The following PTDSS1 variants were observed in gnomAD, a reference collection of about 807,000 sequenced individuals.
The protein encoded by PTDSS1 is phosphatidylserine synthase 1.
Under a neutral mutation model 70.5 loss-of-function variants are expected in PTDSS1, and 45 were observed. The ratio of observed to expected loss-of-function variants is 0.64; its 90% CI spans 0.50 to 0.82. The LOEUF (loss-of-function observed/expected upper bound fraction) is 0.82. Among genes scored for constraint, PTDSS1 ranks in the 40% least tolerant of loss-of-function variants. The pLI, the probability that PTDSS1 is intolerant of heterozygous loss-of-function variation, is 0.00. For missense variants in PTDSS1, 417 were observed against 586.1 expected (o/e 0.71, Z 2.98); for synonymous variants, 188 against 203.8 (o/e 0.92, Z 0.66).
At chr8:96,322,652 G>A (rs1586209216) in intron 10 of PTDSS1, among the ~76,000 whole-genome samples, 1 of 152,094 alleles carries the variant, frequency 6.6e-6, no homozygotes, top group Non-Finnish European at 1.5e-5. Flanking sequence ...GGACATTCAA[G>A]CCATAGCATT....
chr8:96,333,748 G>T lies in PTDSS1; in HGVS notation c.*182G>T, dbSNP rs924022161. On this transcript the variant is annotated 3_prime_UTR_variant, in exon 13 of 13. Coordinates refer to ENST00000517309, the MANE Select transcript of PTDSS1 (RefSeq NM_014754.3). ...CCCACAGACCTGGCCGCGTCAGGCAGATCATCGCCTGGGGGGCCTTTGCCA... is the reference window on the plus strand; with the variant it reads ...CCCACAGACCTGGCCGCGTCAGGCATATCATCGCCTGGGGGGCCTTTGCCA... 2 of 726,454 alleles carry T rather than the reference G, an allele frequency of 2.8e-6. No individual in the cohort carries two copies. The allele number at this position is 726,454 out of a possible 1,614,324, so 45.0% of individuals were successfully genotyped here.
intron 1 of PTDSS1, among the ~76,000 whole-genome samples, chr8:96,265,667 G>A (rs533608233): frequency 2.5e-4 from 38 of 152,244 alleles, no homozygotes; most frequent in African/African-American, 6.7e-4. Flanking sequence ...GAAGTAAGAC[G>A]ATCACCTGAG....
intron 6 of PTDSS1, among the ~76,000 whole-genome samples, chr8:96,301,144 T>C (rs1811044430): frequency 6.6e-6 from 1 of 152,244 alleles, no homozygotes; most frequent in South Asian, 2.1e-4. Flanking sequence ...TTGTTTGTTT[T>C]ATTGAGATGG....
chr8:96,294,037 T>C (rs1177446467), intron 4 of PTDSS1, among the ~76,000 whole-genome samples: 3 of 152,224 alleles, frequency 2.0e-5, no homozygotes, highest in African/African-American at 4.8e-5. Flanking sequence ...CTTACCCTAT[T>C]GAATTTTATC....
rs7001397 is a variant in PTDSS1, at chr8:96,330,354, C to T, written c.1242+73C>T. ...GGGCTCGGCAAATTCGCTCAGAGCA[C>T]GTGCCTGTAAGGATATGGCGAGGTA... On this transcript the variant is annotated intron_variant, in intron 11 of 12. Coordinates refer to ENST00000517309, the MANE Select transcript of PTDSS1 (RefSeq NM_014754.3). The T allele has an allele frequency of 0.45, 637,548 of 1,429,560 alleles. 146,256 individuals carry two copies. Among genetic ancestry groups the T allele is most frequent in the African/African-American group, 0.5 (35,480 of 70,972 alleles). The allele number at this position is 1,429,560 out of a possible 1,614,324, so 88.6% of individuals were successfully genotyped here.
At chr8:96,322,662 T>C (rs1811388145) in intron 10 of PTDSS1, among the ~76,000 whole-genome samples, 1 of 152,136 alleles carries the variant, frequency 6.6e-6, no homozygotes, top group Non-Finnish European at 1.5e-5. Context: ...GCCATAGCAT[T>C]CCACCCCTGA....
chr8:96,323,776 T>A (rs1424739944), intron 10 of PTDSS1, among the ~76,000 whole-genome samples: 1 of 152,262 alleles, frequency 6.6e-6, no homozygotes, highest in Non-Finnish European at 1.5e-5. Flanking sequence ...TTTCTTTCTT[T>A]CCATGGTAAT....
chr8:96,320,411 G>A, intron 10 of PTDSS1, 66 bp downstream of exon 10: 1 of 1,344,568 alleles, frequency 7.4e-7, no homozygotes, highest in Non-Finnish European at 1.1e-6. Context: ...AAACGGAGGG[G>A]GGCAAAGAAA....
In PTDSS1 at chr8:96,333,760, G is replaced by C. The variant is rs1242975307; in HGVS notation, c.*194G>C. On this transcript the variant is annotated 3_prime_UTR_variant, in exon 13 of 13. Transcript: ENST00000517309. Reference sequence around the variant, plus strand: ...GCCGCGTCAGGCAGATCATCGCCTGGGGGGCCTTTGCCAACGTGGGGTCTC... The same window carrying C: ...GCCGCGTCAGGCAGATCATCGCCTGCGGGGCCTTTGCCAACGTGGGGTCTC... The C allele has an allele frequency of 1.4e-6, 1 of 713,828 alleles. No homozygotes were observed. The highest frequency in any genetic ancestry group is 2.5e-6 in the Non-Finnish European group (1 of 395,282). The allele number at this position is 713,828 out of a possible 1,614,324, so 44.2% of individuals were successfully genotyped here. A position where few individuals can be genotyped will look rare whatever the true frequency, so the allele number is the denominator to read the frequency against.
At position 96,287,395 on chromosome 8, in the gene PTDSS1, G is replaced by A. The variant is rs1810839790; in HGVS notation, c.441+249G>A. The stretch of plus-strand genomic sequence containing the variant: ...GCACACTTTATCGTCAGACAGCCTT[G>A]GGTGTGAATTCTGCCTCTGTTACTT... On this transcript the variant is annotated intron_variant, in intron 4 of 12. Coordinates refer to ENST00000517309, the MANE Select transcript of PTDSS1 (RefSeq NM_014754.3). 8.8e-6 allele frequency: 4 copies of A among 453,976 alleles called. No homozygotes were observed. In the South Asian group the frequency reaches 1.2e-4, roughly 14 times the overall value. The allele number at this position is 453,976 out of a possible 1,614,324, so 28.1% of individuals were successfully genotyped here.
chr8:96,288,618 G>T (rs570062611), intron 4 of PTDSS1, among the ~76,000 whole-genome samples: 79 of 133,438 alleles, frequency 5.9e-4, no homozygotes, highest in African/African-American at 2.2e-3. Context: ...GAGCCACCAC[G>T]CTTGGCCTTT....
At position 96,333,455 on chromosome 8, in the gene PTDSS1, A is replaced by G. The variant is rs1387328647; in HGVS notation, c.1313-2A>G. ...ACGGTGTGCTCTGATTCCTTTGGCC[A>G]GGTTCTGAAGACAGCCCACCCAAGC... On this transcript the variant is annotated splice_acceptor_variant, in intron 12 of 12. Coordinates refer to ENST00000517309, the MANE Select transcript of PTDSS1 (RefSeq NM_014754.3). LOFTEE classifies it high-confidence loss of function. The G allele has an allele frequency of 1.2e-6, 2 of 1,610,658 alleles. No homozygotes were observed. Among genetic ancestry groups the G allele is most frequent in the Non-Finnish European group, 1.7e-6 (2 of 1,176,856 alleles).
At chr8:96,317,603 C>T (rs973662362) in intron 9 of PTDSS1, among the ~76,000 whole-genome samples, 17 of 151,994 alleles carry the variant, frequency 1.1e-4, no homozygotes, top group African/African-American at 3.9e-4. Context: ...GGCGTAGTGC[C>T]GTGAGCCTGT....
At chr8:96,327,998 G>A (rs112839627) in intron 10 of PTDSS1, among the ~76,000 whole-genome samples, 13 of 152,148 alleles carry the variant, frequency 8.5e-5, no homozygotes, top group African/African-American at 3.1e-4. Flanking sequence ...CTCTTTGTAC[G>A]CAGGTGAAGT....
At chr8:96,305,287 A>T (rs950908307) in intron 7 of PTDSS1, among the ~76,000 whole-genome samples, 2 of 152,192 alleles carry the variant, frequency 1.3e-5, no homozygotes, top group East Asian at 3.9e-4. Flanking sequence ...TCCATATGTG[A>T]TATTAATTAG....
At chr8:96,318,465 C>T (rs1039780925) in intron 9 of PTDSS1, among the ~76,000 whole-genome samples, 7 of 152,144 alleles carry the variant, frequency 4.6e-5, no homozygotes, top group South Asian at 2.1e-4. Flanking sequence ...GAGTTATTCA[C>T]GAAGTCCGAG....
intron 1 of PTDSS1, among the ~76,000 whole-genome samples, chr8:96,264,371 G>A (rs181512142): frequency 6.6e-5 from 10 of 152,274 alleles, no homozygotes; most frequent in Non-Finnish European, 1.2e-4. Context: ...TGGTTATTAC[G>A]ATGTGATTTC....
rs1216216082 is a variant in PTDSS1 at position 96,270,151 on chromosome 8, C to G, written c.180-3148C>G. On this transcript the variant is annotated intron_variant, in intron 1 of 12. Transcript: ENST00000517309. ...GTATGGTCTCCTGTAGGGGAAATAG[C>G]TTGTACTTTGGGGCCAGACCCTATC... Among the ~76,000 whole-genome samples the G allele has an allele frequency of 2.0e-5, 3 of 152,106 alleles. No homozygotes were observed. The East Asian group carries it at 5.8e-4, about 29-fold the overall frequency.
chr8:96,296,178 G>T (rs1428649232), intron 5 of PTDSS1, among the ~76,000 whole-genome samples: 1 of 116,222 alleles, frequency 8.6e-6, no homozygotes, highest in Non-Finnish European at 1.6e-5. Flanking sequence ...TCTTGCTCTC[G>T]CCCAGGCTGG....
Sources: gnomAD v4.1 joint callset for allele counts (sites outside exome capture counted in the v4.1 genomes callset) on GRCh38, gnomAD v4.1.1 for gene constraint, MANE v1.5 for transcripts, NCBI Gene and HGNC (gene_info 2026-07-23, HGNC 2026-07-21) for gene names.